Variants in MANBA observed in about 807,000 individuals in gnomAD.
MANBA encodes mannosidase beta.
A neutral mutation model predicts 111.1 loss-of-function variants in MANBA; 83 were observed. The ratio of observed to expected loss-of-function variants is 0.75; its 90% CI spans 0.63 to 0.90. The LOEUF is 0.90. Ranked by LOEUF, MANBA falls within the 40% of genes least tolerant of loss-of-function variation. The probability of loss-of-function intolerance (pLI) is 0.00; values close to 1 mark genes in which losing one functional copy is unlikely to be tolerated. For missense variants in MANBA, 1,036 were observed against 1,069.0 expected (o/e 0.97, Z 0.43); for synonymous variants, 370 against 378.7 (o/e 0.98, Z 0.27).
At chr4:102,683,998 C>A (rs1050449542) in intron 7 of MANBA, among the ~76,000 whole-genome samples, 1 of 151,952 alleles carries the variant, frequency 6.6e-6, no homozygotes, top group Non-Finnish European at 1.5e-5. Context: ...TGTCTGCATT[C>A]TTTTCATGAT....
chr4:102,634,922 A>T lies in MANBA; in HGVS notation c.2281T>A (p.Cys761Ser), dbSNP rs1304340295. 5 of 1,614,090 alleles carry T rather than the reference A, an allele frequency of 3.1e-6. No homozygotes were observed. Among genetic ancestry groups the T allele is most frequent in the Non-Finnish European group, 2.5e-6 (3 of 1,180,038 alleles). ...CAGCTTTCCCGTGTGCAATTCCCAC[A>T]TCTCCTCAGCAATTCAGACACTGGC... ...EEPVSELLRR[C>S]GNCTRESCVV... The change falls in exon 16 of 17, where the codon TGT becomes AGT. Residue 761 changes from cysteine to serine, a missense_variant. Physicochemically the swap from Cys to Ser is moderately radical, Grantham distance 112. Coordinates refer to ENST00000647097, the MANE Select transcript of MANBA (RefSeq NM_005908.4).
chr4:102,644,791 A>G (rs1730028293), intron 13 of MANBA, among the ~76,000 whole-genome samples: 1 of 152,188 alleles, frequency 6.6e-6, no homozygotes, highest in African/African-American at 2.4e-5. Context: ...TAAGTACGTG[A>G]AGCAATGCAT....
chr4:102,727,727 G>T, intron 1 of MANBA: 1 of 906,030 alleles, frequency 1.1e-6, no homozygotes, highest in Non-Finnish European at 1.8e-6. Context: ...CAGAGATGGT[G>T]CCTTCTGGCA....
At chr4:102,634,742 C>CCCACAAGG in intron 16 of MANBA, 46 bp downstream of exon 16, 1 of 1,611,760 alleles carries the variant, frequency 6.2e-7, no homozygotes, top group Non-Finnish European at 8.5e-7. Context: ...GCAGGAGAAC[C>CCCACAAGG]CCACAAGGCC....
At position 102,639,030 on chromosome 4, in the gene MANBA, T is replaced by C. The variant is rs923713737; in HGVS notation, c.2014+683A>G. Among the ~76,000 whole-genome samples the C allele has an allele frequency of 2.6e-5, 4 of 152,318 alleles. No individual in the cohort carries two copies. In the South Asian group the frequency reaches 8.3e-4, roughly 32 times the overall value. On this transcript the variant is annotated intron_variant, in intron 14 of 16. Coordinates refer to ENST00000647097, the MANE Select transcript of MANBA (RefSeq NM_005908.4). ...GAACTTTGTTTCAAGTCATCTCTAGTGAAGGGCAAAGACTATTATTCCTTA... is the reference window on the plus strand; with the variant it reads ...GAACTTTGTTTCAAGTCATCTCTAGCGAAGGGCAAAGACTATTATTCCTTA...
chr4:102,697,509 C>G (rs534319587), intron 5 of MANBA, among the ~76,000 whole-genome samples: 1 of 100,270 alleles, frequency 1.0e-5, no homozygotes, highest in Non-Finnish European at 1.8e-5. Context: ...CCTCCCCCCT[C>G]CCCCCACCCC....
chr4:102,729,703 C>T (rs1336822583), intron 1 of MANBA: 2 of 1,556,260 alleles, frequency 1.3e-6, no homozygotes, highest in African/African-American at 1.4e-5. Context: ...TTCAGCTTCT[C>T]CTGGCCCAGA....
In MANBA at chr4:102,683,307, T is replaced by TA. The variant is rs1453642978; in HGVS notation, c.960+6266dup. Reference sequence around the variant, plus strand: ...TTTTAATTGATTGTAGAGTACTTATTATTACATCTATTTTCCTACAATAAT... The same window carrying TA: ...TTTTAATTGATTGTAGAGTACTTATTAATTACATCTATTTTCCTACAATAAT... On this transcript the variant is annotated intron_variant, in intron 7 of 16. Transcript: ENST00000647097. Among the ~76,000 whole-genome samples the TA allele has an allele frequency of 9.2e-5, 14 of 152,356 alleles. No homozygotes were observed. The East Asian group carries it at 2.5e-3, about 27-fold the overall frequency.
intron 5 of MANBA, among the ~76,000 whole-genome samples, chr4:102,692,671 G>C (rs1476181799): frequency 6.6e-6 from 1 of 152,120 alleles, no homozygotes; most frequent in Non-Finnish European, 1.5e-5. Context: ...AGAAAGAAAG[G>C]AGAAGAGCAG....
chr4:102,674,248 T>C (rs535475276), intron 7 of MANBA, among the ~76,000 whole-genome samples, 178 bp from the exon 8 acceptor site: 4 of 152,338 alleles, frequency 2.6e-5, no homozygotes, highest in African/African-American at 9.6e-5. Flanking sequence ...ATATAAATTA[T>C]TGCTAGCATC....
chr4:102,639,885 G>T (rs369686411), intron 13 of MANBA, 28 bp from the exon 14 acceptor site: 2 of 1,613,102 alleles, frequency 1.2e-6, no homozygotes, highest in African/African-American at 2.7e-5. Flanking sequence ...TCATACACAG[G>T]TGTTATTGTT....
intron 7 of MANBA, among the ~76,000 whole-genome samples, chr4:102,684,062 C>A (rs1732099777): frequency 6.6e-6 from 1 of 151,760 alleles, no homozygotes; most frequent in South Asian, 2.1e-4. Context: ...TTCCCCAGGA[C>A]CTTTTGTCTG....
chr4:102,654,184 T>G (rs894979500), intron 12 of MANBA, among the ~76,000 whole-genome samples: 26 of 152,032 alleles, frequency 1.7e-4, no homozygotes, highest in African/African-American at 6.0e-4. Flanking sequence ...TATTCTTGCT[T>G]CCTTCATTCC....
In MANBA at chr4:102,658,075, C is replaced by T. The variant is rs140225626; in HGVS notation, c.1486-175G>A. ...CAACCACCAGCACCTCTCTGCTCTT[C>T]GCCAATCCTTTATATCTTTTCATAA... On this transcript the variant is annotated intron_variant, in intron 11 of 16. Transcript: ENST00000647097. Among the ~76,000 whole-genome samples the T allele has an allele frequency of 1.5e-3, 236 of 152,352 alleles. 2 individuals carry two copies. Among genetic ancestry groups the T allele is most frequent in the African/African-American group, 5.4e-3 (223 of 41,578 alleles).
chr4:102,703,531 C>T (rs1322184760), intron 5 of MANBA, among the ~76,000 whole-genome samples: 2 of 152,166 alleles, frequency 1.3e-5, no homozygotes, highest in Non-Finnish European at 2.9e-5. Flanking sequence ...CAACCTCTGG[C>T]TCCAAGAGTC....
Position 102,631,091 on chromosome 4 carries a change from C to T in MANBA, c.*966G>A, listed in dbSNP as rs533744446. 6.7e-6 allele frequency: 1 copy of T among 149,730 alleles called. No individual in the cohort carries two copies. Among genetic ancestry groups the T allele is most frequent in the African/African-American group, 2.5e-5 (1 of 39,940 alleles). 9.3% of individuals were successfully genotyped at this position (149,730 alleles called of 1,614,324 possible). Reference sequence around the variant, plus strand: ...GAGTCCCAGCCCTAAGTCCCCTTATCCCCTTGATAAGGCTTTGTGTGTGTG... The same window carrying T: ...GAGTCCCAGCCCTAAGTCCCCTTATTCCCTTGATAAGGCTTTGTGTGTGTG... On this transcript the variant is annotated 3_prime_UTR_variant, in exon 17 of 17. Transcript: ENST00000647097.
intron 1 of MANBA, among the ~76,000 whole-genome samples, chr4:102,738,253 G>A (rs886397930): frequency 6.6e-6 from 1 of 152,238 alleles, no homozygotes; most frequent in Admixed American, 6.5e-5. Flanking sequence ...TTAACCAGAA[G>A]TACTGAGTCT....
chr4:102,665,365 A>T (rs995352495), intron 10 of MANBA: 1 of 162,228 alleles, frequency 6.2e-6, no homozygotes, highest in Non-Finnish European at 1.3e-5. Flanking sequence ...GGGGAACTAG[A>T]GAAGGTTTTA....
intron 1 of MANBA, among the ~76,000 whole-genome samples, chr4:102,743,702 A>C (rs1043903173): frequency 2.6e-5 from 4 of 152,172 alleles, no homozygotes; most frequent in Non-Finnish European, 5.9e-5. Flanking sequence ...TGCTGTACAC[A>C]ACCTACTTTA....
Sources: gnomAD v4.1 joint callset for allele counts (sites outside exome capture counted in the v4.1 genomes callset) on GRCh38, gnomAD v4.1.1 for gene constraint, MANE v1.5 for transcripts, NCBI Gene and HGNC (gene_info 2026-07-23, HGNC 2026-07-21) for gene names.